Variants in CDH13 observed in about 807,000 individuals in gnomAD.
CDH13 encodes cadherin-13.
Under a neutral mutation model 63.8 loss-of-function variants are expected in CDH13, and 24 were observed. The observed-to-expected ratio is 0.38, with a 90% CI of 0.27 to 0.53. CDH13 has a LOEUF of 0.53. Ranked by LOEUF, CDH13 falls within the 20% of genes least tolerant of loss-of-function variation. CDH13 has a pLI of 0.85. For missense variants in CDH13, 1,049 were observed against 903.1 expected, an observed-to-expected ratio of 1.16 and a Z score of -2.07; for synonymous variants, 503 against 355.3, an observed-to-expected ratio of 1.42 and a Z score of -4.67.
intron 10 of CDH13, among the ~76,000 whole-genome samples, chr16:83,681,496 CG>C (rs1431157614): frequency 1.3e-5 from 2 of 152,148 alleles, no homozygotes; most frequent in Non-Finnish European, 2.9e-5. Flanking sequence ...GGAGCCACAG[CG>C]GCCCACACGT....
intron 1 of CDH13, among the ~76,000 whole-genome samples, chr16:82,809,910 A>C (rs1257863641): frequency 1.3e-5 from 2 of 152,176 alleles, no homozygotes; most frequent in African/African-American, 4.8e-5. Flanking sequence ...GTTAAGAAAA[A>C]AAAAGGGACA....
chr16:83,678,081 A>T, intron 9 of CDH13, 127 bp from the exon 10 acceptor site: 1 of 816,990 alleles, frequency 1.2e-6, no homozygotes, highest in East Asian at 2.6e-5. Flanking sequence ...ACACAGGCTT[A>T]GCCTCCAAAG....
intron 4 of CDH13, among the ~76,000 whole-genome samples, chr16:83,151,282 C>T (rs77545142): frequency 0.049 from 7,473 of 152,212 alleles, 243 homozygotes; most frequent in East Asian, 0.11. Flanking sequence ...CATTAGAATT[C>T]CCTGGCATGC....
chr16:82,843,221 A>G (rs1450922256), intron 1 of CDH13, among the ~76,000 whole-genome samples: 1 of 152,214 alleles, frequency 6.6e-6, no homozygotes, highest in Non-Finnish European at 1.5e-5. Context: ...TTTTGTGTAT[A>G]TTGACAATTA....
intron 10 of CDH13, among the ~76,000 whole-genome samples, chr16:83,723,245 C>T (rs1052826841): frequency 2.6e-5 from 4 of 152,184 alleles, no homozygotes; most frequent in Non-Finnish European, 5.9e-5. Context: ...GCTCTGTATA[C>T]GACTTCATCT....
intron 3 of CDH13, among the ~76,000 whole-genome samples, chr16:83,033,396 A>C (rs1274480880): frequency 6.6e-6 from 1 of 152,028 alleles, no homozygotes; most frequent in Non-Finnish European, 1.5e-5. Flanking sequence ...CAACCTACTC[A>C]TGGTCCTTCT....
intron 4 of CDH13, among the ~76,000 whole-genome samples, chr16:83,205,667 T>C (rs1248354727): frequency 6.7e-6 from 1 of 148,480 alleles, no homozygotes; most frequent in African/African-American, 2.5e-5. Context: ...TGCAGTGACG[T>C]GATCTTGGCT....
At chr16:83,719,104 C>T (rs1423843) in intron 10 of CDH13, among the ~76,000 whole-genome samples, 42,306 of 151,968 alleles carry the variant, frequency 0.28, 6,411 homozygotes, top group Middle Eastern at 0.35. Flanking sequence ...TAAAACCAGC[C>T]CATTCATCTC....
chr16:82,863,204 A>G (rs1019532102), intron 2 of CDH13, among the ~76,000 whole-genome samples: 4 of 152,204 alleles, frequency 2.6e-5, no homozygotes, highest in African/African-American at 9.6e-5. Flanking sequence ...TCTTGGAGTA[A>G]CCAAGGCCTA....
At chr16:83,492,702 T>A (rs2074042857) in intron 7 of CDH13, among the ~76,000 whole-genome samples, 1 of 152,192 alleles carries the variant, frequency 6.6e-6, no homozygotes, top group Non-Finnish European at 1.5e-5. Flanking sequence ...GGTCTGAAAT[T>A]TAGTTCCATG....
chr16:82,664,930 A>G (rs946561678), intron 1 of CDH13, among the ~76,000 whole-genome samples: 2 of 152,082 alleles, frequency 1.3e-5, no homozygotes, highest in Admixed American at 6.5e-5. Context: ...TGTGTGTGTA[A>G]TTGATTCTCA....
At chr16:83,455,327 C>G (rs1315771607) in intron 6 of CDH13, among the ~76,000 whole-genome samples, 2 of 152,140 alleles carry the variant, frequency 1.3e-5, no homozygotes, top group African/African-American at 4.8e-5. Context: ...GACATTCAAC[C>G]AATGACAGCT....
intron 7 of CDH13, among the ~76,000 whole-genome samples, chr16:83,573,889 G>A (rs1904869493): frequency 6.6e-6 from 1 of 152,062 alleles, no homozygotes; most frequent in Non-Finnish European, 1.5e-5. Flanking sequence ...CCATTATTTT[G>A]GCAGTTCTCA....
intron 5 of CDH13, among the ~76,000 whole-genome samples, chr16:83,242,407 A>G (rs1314247904): frequency 6.6e-6 from 1 of 151,710 alleles, no homozygotes; most frequent in Non-Finnish European, 1.5e-5. Context: ...CGTTAGAAAA[A>G]TAGGTTGGTC....
At chr16:82,749,584 TGA>T (rs934247842) in intron 1 of CDH13, among the ~76,000 whole-genome samples, 11 of 152,186 alleles carry the variant, frequency 7.2e-5, no homozygotes, top group Admixed American at 6.5e-4. Flanking sequence ...ACATACAGAG[TGA>T]GAGAGCTGGG....
At chr16:83,688,719 A>G (rs1904554252) in intron 10 of CDH13, among the ~76,000 whole-genome samples, 1 of 152,226 alleles carries the variant, frequency 6.6e-6, no homozygotes, top group Non-Finnish European at 1.5e-5. Flanking sequence ...ATTTTTAATT[A>G]AAGCGGTGTT....
intron 5 of CDH13, among the ~76,000 whole-genome samples, chr16:83,294,613 T>TGC (rs2089544619): frequency 9.1e-6 from 1 of 110,338 alleles, no homozygotes; most frequent in Admixed American, 9.3e-5. Context: ...TGTGTGTGTG[T>TGC]GTGTGTATAT....
intron 5 of CDH13, among the ~76,000 whole-genome samples, chr16:83,298,159 C>G (rs1253942800): frequency 5.3e-5 from 8 of 151,862 alleles, no homozygotes; most frequent in African/African-American, 1.7e-4. Context: ...GGGAGGAAAG[C>G]TTGAGCCCAA....
Position 83,200,965 on chromosome 16 carries a change from G to GTGTGTGTGTGTGTGTC in CDH13, c.484-16373_484-16372insGTGTGTGTCTGTGTGT, listed in dbSNP as rs34095925. On this transcript the variant is annotated intron_variant, in intron 4 of 13. Coordinates refer to ENST00000567109, the MANE Select transcript of CDH13 (RefSeq NM_001257.5). ...TGTGTGTGTGTGTGTGTGTGTGTGT[G>GTGTGTGTGTGTGTGTC]TGTGTGTTATTGGGATCTTTTAACT... Among the ~76,000 whole-genome samples the GTGTGTGTGTGTGTGTC allele has an allele frequency of 2.7e-4, 39 of 144,490 alleles. 1 individual carries two copies. Among genetic ancestry groups the GTGTGTGTGTGTGTGTC allele is most frequent in the Non-Finnish European group, 5.3e-4 (35 of 65,792 alleles). 94.8% of individuals were successfully genotyped at this position (144,490 alleles called of 152,430 possible). A position where few individuals can be genotyped will look rare whatever the true frequency, so the allele number is the denominator to read the frequency against.
Sources: gnomAD v4.1 joint callset for allele counts (sites outside exome capture counted in the v4.1 genomes callset) on GRCh38, gnomAD v4.1.1 for gene constraint, MANE v1.5 for transcripts, NCBI Gene and HGNC (gene_info 2026-07-23, HGNC 2026-07-21) for gene names.